The following CSMD1 variants were observed in gnomAD, a reference collection of about 807,000 sequenced individuals.
CSMD1 encodes the protein CUB and sushi domain-containing protein 1.
CSMD1 carries 213 observed loss-of-function variants against 417.5 expected under a neutral mutation model. That is an observed-to-expected ratio of 0.51 (90% CI 0.46 to 0.57). The LOEUF is 0.57. CSMD1 is among the 20% of genes least tolerant of loss of function. The pLI is 0.00. For missense variants in CSMD1, 6,923 were observed against 4,529.7 expected, an observed-to-expected ratio of 1.53 and a Z score of -15.17; for synonymous variants, 2,862 against 1,736.8, an observed-to-expected ratio of 1.65 and a Z score of -16.11.
intron 1 of CSMD1, among the ~76,000 whole-genome samples, chr8:4,846,247 T>G (rs1189444227): frequency 1.3e-5 from 2 of 152,214 alleles, no homozygotes; most frequent in African/African-American, 4.8e-5. Flanking sequence ...TAGCTCTTAC[T>G]TTCAAATTTG....
chr8:4,836,489 G>A (rs1288401917), intron 1 of CSMD1, among the ~76,000 whole-genome samples: 1 of 152,136 alleles, frequency 6.6e-6, no homozygotes, highest in Non-Finnish European at 1.5e-5. Flanking sequence ...GAATACGGCA[G>A]ACAGCTAACA....
intron 2 of CSMD1, among the ~76,000 whole-genome samples, chr8:4,563,671 T>A (rs748669570): frequency 7.2e-5 from 11 of 152,210 alleles, no homozygotes; most frequent in Non-Finnish European, 1.6e-4. Context: ...ACTTTACACA[T>A]TACAAAATTT....
chr8:4,176,928 A>G (rs181862486), intron 3 of CSMD1, among the ~76,000 whole-genome samples: 55 of 150,134 alleles, frequency 3.7e-4, no homozygotes, highest in African/African-American at 1.3e-3. Context: ...AGATTCATAA[A>G]GCAAGTCCTC....
At chr8:4,234,854 C>T (rs1264491907) in intron 3 of CSMD1, among the ~76,000 whole-genome samples, 2 of 152,122 alleles carry the variant, frequency 1.3e-5, no homozygotes, top group East Asian at 1.9e-4. Context: ...CGCCTTCTTG[C>T]TCTGTCCCCA....
chr8:4,459,644 G>C (rs183769481), intron 2 of CSMD1, among the ~76,000 whole-genome samples: 2 of 152,170 alleles, frequency 1.3e-5, no homozygotes, highest in African/African-American at 2.4e-5. Context: ...AAACCTCAAA[G>C]CCTGGCCTCA....
chr8:3,776,880 T>G (rs543574498), intron 5 of CSMD1, among the ~76,000 whole-genome samples: 1 of 149,502 alleles, frequency 6.7e-6, no homozygotes, highest in African/African-American at 2.5e-5. Flanking sequence ...CTGATAGATA[T>G]AACTTTGTAT....
intron 26 of CSMD1, among the ~76,000 whole-genome samples, chr8:3,273,446 T>TAA (rs1488203459): frequency 6.6e-5 from 10 of 151,832 alleles, no homozygotes; most frequent in Admixed American, 6.6e-4. Flanking sequence ...GCTGGCCTCA[T>TAA]AAAATGAGTT....
intron 5 of CSMD1, among the ~76,000 whole-genome samples, chr8:3,802,035 T>C (rs1446507624): frequency 6.6e-6 from 1 of 152,140 alleles, no homozygotes; most frequent in Non-Finnish European, 1.5e-5. Context: ...GATGTAAGCA[T>C]ACAAAAATTC....
At chr8:4,211,860 C>A (rs996142337) in intron 3 of CSMD1, among the ~76,000 whole-genome samples, 10 of 152,134 alleles carry the variant, frequency 6.6e-5, no homozygotes, top group African/African-American at 2.2e-4. Context: ...CACTAACTTG[C>A]TTTAATAACC....
intron 5 of CSMD1, among the ~76,000 whole-genome samples, chr8:3,920,234 C>T (rs1484612583): frequency 6.6e-6 from 1 of 151,908 alleles, no homozygotes; most frequent in Non-Finnish European, 1.5e-5. Flanking sequence ...AGGGTCTCAC[C>T]ATGTTGCCCG....
chr8:4,379,144 C>T (rs35704084), intron 3 of CSMD1, among the ~76,000 whole-genome samples: 34,033 of 152,132 alleles, frequency 0.22, 3,928 homozygotes, highest in Middle Eastern at 0.3. Context: ...ATATCAGCCC[C>T]TGTAATTTGA....
intron 3 of CSMD1, among the ~76,000 whole-genome samples, chr8:4,067,374 A>C (rs1205354003): frequency 6.6e-6 from 1 of 152,240 alleles, no homozygotes; most frequent in Non-Finnish European, 1.5e-5. Context: ...TCGGGAGTTA[A>C]ACTGGATTTT....
chr8:4,585,628 G>T (rs1477891903), intron 2 of CSMD1, among the ~76,000 whole-genome samples: 1 of 152,014 alleles, frequency 6.6e-6, no homozygotes, highest in Non-Finnish European at 1.5e-5. Context: ...CATAGAAAAA[G>T]GACTGGCAAA....
intron 1 of CSMD1, among the ~76,000 whole-genome samples, chr8:4,747,844 G>C (rs10503272): frequency 0.31 from 47,550 of 152,122 alleles, 8,388 homozygotes; most frequent in Admixed American, 0.45. Flanking sequence ...TTCATCAACT[G>C]TTCAGGTCTC....
intron 3 of CSMD1, among the ~76,000 whole-genome samples, chr8:4,413,454 C>T (rs942770236): frequency 6.6e-6 from 1 of 152,160 alleles, no homozygotes; most frequent in Non-Finnish European, 1.5e-5. Flanking sequence ...CTTCTAATGA[C>T]TTGATTGTCT....
At chr8:3,511,907 TA>T (rs33926203) in intron 10 of CSMD1, among the ~76,000 whole-genome samples, 82,576 of 143,300 alleles carry the variant, frequency 0.58, 24,040 homozygotes, top group African/African-American at 0.69. Flanking sequence ...AAAGTCAAAT[TA>T]AAAAAAAAAA....
intron 3 of CSMD1, among the ~76,000 whole-genome samples, chr8:4,262,245 G>A (rs768963692): frequency 6.6e-6 from 1 of 152,094 alleles, no homozygotes; most frequent in Non-Finnish European, 1.5e-5. Context: ...GTGAAACTCC[G>A]GGGCATGGTG....
chr8:3,122,348 A>C (rs566646309), intron 41 of CSMD1, among the ~76,000 whole-genome samples: 178 of 152,340 alleles, frequency 1.2e-3, no homozygotes, highest in African/African-American at 4.1e-3. Flanking sequence ...ATACCATGGA[A>C]CTACTGCGTT....
At chr8:4,159,978 T>A (rs532609004) in intron 3 of CSMD1, among the ~76,000 whole-genome samples, 1 of 151,988 alleles carries the variant, frequency 6.6e-6, no homozygotes, top group African/African-American at 2.4e-5. Flanking sequence ...AGACTACCAA[T>A]TGGGTTCAAT....
Sources: gnomAD v4.1 joint callset for allele counts (sites outside exome capture counted in the v4.1 genomes callset) on GRCh38, gnomAD v4.1.1 for gene constraint, MANE v1.5 for transcripts, NCBI Gene and HGNC (gene_info 2026-07-23, HGNC 2026-07-21) for gene names.